The following GFRAL variants were observed in gnomAD, a reference collection of about 807,000 sequenced individuals.
GFRAL encodes GDNF family receptor alpha like, also known as GDNF family receptor alpha-like.
In GFRAL, 36 loss-of-function variants were observed where a neutral mutation model predicts 45.4. The observed-to-expected ratio is 0.79, with a 90% confidence interval of 0.61 to 1.05. The LOEUF is 1.05. Among genes scored for constraint, GFRAL ranks in the 50% least tolerant of loss-of-function variants. The pLI is 0.00. For synonymous variants in GFRAL, 166 were observed against 154.1 expected, an observed-to-expected ratio of 1.08 and a Z score of -0.57; for missense variants, 507 against 467.5, an observed-to-expected ratio of 1.08 and a Z score of -0.78.
intron 5 of GFRAL, 104 bp from the exon 6 acceptor site, chr6:55,358,784 C>T (rs1251195533): frequency 1.1e-5 from 11 of 1,044,416 alleles, no homozygotes; most frequent in East Asian, 2.5e-5. Context: ...ACTGGCATCT[C>T]GAAGGCATTG....
At position 55,331,949 on chromosome 6, in the gene GFRAL, T is replaced by C. The variant is rs550039005; in HGVS notation, c.157+100T>C. On this transcript the variant is annotated intron_variant, in intron 2 of 8. Transcript: ENST00000340465. ...TTATCCTAAGAACTAAGTTTTTTTC[T>C]ATGTATCTTATTTAATCTTGACCCC... The C allele has an allele frequency of 7.7e-5, 82 of 1,066,214 alleles. No individual in the cohort carries two copies. The African/African-American group carries it at 1.3e-3, about 17-fold the overall frequency. 66.0% of individuals were successfully genotyped at this position (1,066,214 alleles called of 1,614,324 possible). A position where few individuals can be genotyped will look rare whatever the true frequency, so the allele number is the denominator to read the frequency against.
At chr6:55,375,903 G>T (rs1330481211) in intron 6 of GFRAL, among the ~76,000 whole-genome samples, 1 of 152,090 alleles carries the variant, frequency 6.6e-6, no homozygotes, top group Non-Finnish European at 1.5e-5. Context: ...TGTTGAATAG[G>T]AGTGGTGAGA....
chr6:55,364,819 C>G (rs1309437971), intron 6 of GFRAL, among the ~76,000 whole-genome samples: 1 of 151,956 alleles, frequency 6.6e-6, no homozygotes, highest in Non-Finnish European at 1.5e-5. Context: ...GGTACCAGTA[C>G]CATGCTGTTT....
intron 3 of GFRAL, among the ~76,000 whole-genome samples, chr6:55,339,545 C>A (rs1420169227): frequency 6.6e-6 from 1 of 151,900 alleles, no homozygotes; most frequent in Non-Finnish European, 1.5e-5. Flanking sequence ...AATTTTATGA[C>A]CTATTTGAAG....
chr6:55,329,722 AAAAAT>A (rs1408169805), intron 1 of GFRAL, among the ~76,000 whole-genome samples: 1 of 152,100 alleles, frequency 6.6e-6, no homozygotes, highest in Non-Finnish European at 1.5e-5. Flanking sequence ...CCTCAGCAAG[AAAAAT>A]GTTACCAAGC....
Position 55,399,352 on chromosome 6 carries a change from T to C in GFRAL, c.1049-17T>C, listed in dbSNP as rs1200152105. On this transcript the variant is annotated splice_polypyrimidine_tract_variant and intron_variant, in intron 7 of 8. Coordinates refer to ENST00000340465, the MANE Select transcript of GFRAL (RefSeq NM_207410.2). The stretch of plus-strand genomic sequence containing the variant: ...AAATCCAGTGACTATTATTTCTTAA[T>C]CTTTTTCTTTTTCTAGGAGAAGTAA... 3 of 1,591,756 alleles carry C rather than the reference T, an allele frequency of 1.9e-6. No homozygotes were observed. The South Asian group carries it at 3.3e-5, about 18-fold the overall frequency.
intron 3 of GFRAL, among the ~76,000 whole-genome samples, chr6:55,343,205 C>G (rs928467762): frequency 6.6e-6 from 1 of 152,124 alleles, no homozygotes; most frequent in Non-Finnish European, 1.5e-5. Flanking sequence ...ACTCTCCACC[C>G]GAAATCAACA....
chr6:55,344,479 A>T (rs1581903744), intron 3 of GFRAL, among the ~76,000 whole-genome samples: 1 of 152,232 alleles, frequency 6.6e-6, no homozygotes, highest in Non-Finnish European at 1.5e-5. Context: ...GGCCTTTGAC[A>T]AGATTAAACA....
rs1179077219 is a variant in GFRAL, at chr6:55,358,837, T to C, written c.702-51T>C. Reference sequence around the variant, plus strand: ...TAGGTGAGGGGGGATCACATGTTAATGTGAAATAACACTATTCAAAACTAA... The same window carrying C: ...TAGGTGAGGGGGGATCACATGTTAACGTGAAATAACACTATTCAAAACTAA... On this transcript the variant is annotated intron_variant, in intron 5 of 8. Transcript: ENST00000340465. 5 of 1,550,496 alleles carry C rather than the reference T, an allele frequency of 3.2e-6. No individual in the cohort carries two copies. In the East Asian group the frequency reaches 1.1e-4, roughly 35 times the overall value.
At chr6:55,334,462 C>T (rs1408307782) in intron 3 of GFRAL, among the ~76,000 whole-genome samples, 1 of 152,138 alleles carries the variant, frequency 6.6e-6, no homozygotes, top group African/African-American at 2.4e-5. Flanking sequence ...GATCAGTTAG[C>T]CTGCATGTAC....
Position 55,382,438 on chromosome 6 carries a change from G to A in GFRAL, c.953-16742G>A, listed in dbSNP as rs555449023. ...TTATAATAAACTCTACAACTTTTAG[G>A]TTTTATGCTATTTAATATATACACT... On this transcript the variant is annotated intron_variant, in intron 6 of 8. Transcript: ENST00000340465. Among the ~76,000 whole-genome samples the A allele has an allele frequency of 2.3e-3, 354 of 151,908 alleles. 4 individuals carry two copies. Among genetic ancestry groups the A allele is most frequent in the Non-Finnish European group, 3.6e-3 (245 of 67,870 alleles).
intron 6 of GFRAL, among the ~76,000 whole-genome samples, chr6:55,386,440 A>C (rs76776810): frequency 6.6e-6 from 1 of 152,058 alleles, no homozygotes. Flanking sequence ...CTATTGTAAA[A>C]GTGTGTGAGT....
chr6:55,377,638 A>G (rs1310341946), intron 6 of GFRAL, among the ~76,000 whole-genome samples: 1 of 152,008 alleles, frequency 6.6e-6, no homozygotes, highest in Non-Finnish European at 1.5e-5. Context: ...TTAGCTCGAT[A>G]CCTTGGAGGA....
intron 3 of GFRAL, among the ~76,000 whole-genome samples, chr6:55,347,567 C>G (rs1476942532): frequency 6.6e-6 from 1 of 151,888 alleles, no homozygotes; most frequent in Non-Finnish European, 1.5e-5. Flanking sequence ...AGGCACAACC[C>G]GACAGCATAA....
intron 6 of GFRAL, among the ~76,000 whole-genome samples, chr6:55,396,988 C>A (rs1235898785): frequency 2.0e-5 from 3 of 150,826 alleles, no homozygotes; most frequent in Non-Finnish European, 2.9e-5. Context: ...AAGTGATCCT[C>A]ACACCTCAGC....
rs1277599778 is a variant in GFRAL, at chr6:55,333,770, T to C, written c.158-16T>C. 11 of 1,560,864 alleles carry C rather than the reference T, an allele frequency of 7.0e-6. No individual in the cohort carries two copies. Among genetic ancestry groups the C allele is most frequent in the East Asian group, 2.3e-5 (1 of 44,026 alleles). ...AATCAGATTAATATCTATAGTGTTA[T>C]GTGTTTGATTGTGAGATCCAGGTGA... On this transcript the variant is annotated splice_polypyrimidine_tract_variant and intron_variant, in intron 2 of 8. Coordinates refer to ENST00000340465, the MANE Select transcript of GFRAL (RefSeq NM_207410.2).
Position 55,358,934 on chromosome 6 carries a change from A to G in GFRAL, c.748A>G (p.Arg250Gly). The change falls in exon 6 of 9, where the codon AGA becomes GGA. Residue 250 changes from arginine to glycine, a missense_variant. Transcript: ENST00000340465. Reference protein sequence around the residue: ...FQSKCWQRVTRKCHEDENCIS... With the variant: ...FQSKCWQRVTGKCHEDENCIS... Reference sequence around the variant, plus strand: ...GTCAAAATGCTGGCAGCGTGTGACTAGAAAGTGCCATGAAGATGAGAATTG... The same window carrying G: ...GTCAAAATGCTGGCAGCGTGTGACTGGAAAGTGCCATGAAGATGAGAATTG... 2 of 1,612,776 alleles carry G rather than the reference A, an allele frequency of 1.2e-6. No homozygotes were observed. The highest frequency in any genetic ancestry group is 1.7e-6 in the Non-Finnish European group (2 of 1,179,110).
rs1024980600 is a variant in GFRAL at position 55,352,646 on chromosome 6, C to T, written c.701+1063C>T. 4.6e-5 allele frequency among the ~76,000 whole-genome samples: 7 copies of T among 152,082 alleles called. No homozygotes were observed. The East Asian group carries it at 1.4e-3, about 30-fold the overall frequency. ...GTTTATTTAGCAAAATATTTTGTCC[C>T]TGTTGGAAAAGTACCGTATGAAATC... On this transcript the variant is annotated intron_variant, in intron 5 of 8. Transcript: ENST00000340465.
At chr6:55,337,164 C>G (rs555890061) in intron 3 of GFRAL, among the ~76,000 whole-genome samples, 1 of 152,052 alleles carries the variant, frequency 6.6e-6, no homozygotes, top group Non-Finnish European at 1.5e-5. Flanking sequence ...TCTCCTCCCC[C>G]GTGTCCTGCC....
Sources: allele counts gnomAD v4.1 joint callset (sites outside exome capture counted in the v4.1 genomes callset), GRCh38; gene constraint gnomAD v4.1.1; transcripts MANE v1.5; gene names NCBI Gene and HGNC (gene_info 2026-07-23, HGNC 2026-07-21).